Variants in UBE2H observed in about 807,000 individuals in gnomAD.
The protein encoded by UBE2H is ubiquitin conjugating enzyme E2 H.
UBE2H carries 3 observed loss-of-function variants against 29.0 expected under a neutral mutation model. The observed-to-expected ratio is 0.10, with a 90% CI of 0.05 to 0.27. UBE2H has a LOEUF of 0.27. Ranked by LOEUF, UBE2H falls within the 10% of genes least tolerant of loss-of-function variation. UBE2H has a pLI of 1.00. For synonymous variants in UBE2H, 69 were observed against 82.9 expected (o/e 0.83, Z 0.91); for missense variants, 68 against 228.2 (o/e 0.30, Z 4.52).
rs142815258 is a variant in UBE2H, at chr7:129,883,888, T to A, written c.54-2917A>T. ...AGAAAAAAGAATGAATTGATACACATAATGTATGGGTTTTACAGATTTCAT... is the reference window on the plus strand; with the variant it reads ...AGAAAAAAGAATGAATTGATACACAAAATGTATGGGTTTTACAGATTTCAT... On this transcript the variant is annotated intron_variant, in intron 1 of 6. Coordinates refer to ENST00000355621, the MANE Select transcript of UBE2H (RefSeq NM_003344.4). Among the ~76,000 whole-genome samples, 376 of 151,982 alleles carry A rather than the reference T, an allele frequency of 2.5e-3. 3 individuals are homozygous for A. Among genetic ancestry groups the A allele is most frequent in the African/African-American group, 8.5e-3 (353 of 41,444 alleles).
intron 5 of UBE2H, 143 bp from the exon 6 acceptor site, chr7:129,839,478 T>C: frequency 9.5e-6 from 10 of 1,049,398 alleles, no homozygotes; most frequent in Non-Finnish European, 1.2e-5. Context: ...TACATGTGAC[T>C]TGTATTACAC....
chr7:129,920,296 G>T (rs1250455865), intron 1 of UBE2H, among the ~76,000 whole-genome samples: 1 of 151,976 alleles, frequency 6.6e-6, no homozygotes, highest in Admixed American at 6.6e-5. Flanking sequence ...TTCTTACTGT[G>T]TCTAGTGAAC....
At chr7:129,944,187 G>T (rs77768351) in intron 1 of UBE2H, among the ~76,000 whole-genome samples, 3 of 151,122 alleles carry the variant, frequency 2.0e-5, no homozygotes, top group East Asian at 2.0e-4. Context: ...AAACCCTGTC[G>T]CTACTAAAAA....
intron 1 of UBE2H, among the ~76,000 whole-genome samples, chr7:129,922,716 T>C (rs1428975579): frequency 6.6e-6 from 1 of 152,186 alleles, no homozygotes; most frequent in African/African-American, 2.4e-5. Flanking sequence ...TAGGGTGGTA[T>C]ACAGATATTT....
intron 3 of UBE2H, among the ~76,000 whole-genome samples, chr7:129,870,111 C>T (rs1229858148): frequency 6.6e-6 from 1 of 152,106 alleles, no homozygotes; most frequent in Non-Finnish European, 1.5e-5. Context: ...CCTCCCTGCA[C>T]ACATACTCTT....
At chr7:129,846,452 G>T (rs117506293) in intron 5 of UBE2H, among the ~76,000 whole-genome samples, 10 of 152,046 alleles carry the variant, frequency 6.6e-5, no homozygotes, top group East Asian at 3.9e-4. Flanking sequence ...AGTAGTTGCC[G>T]AGGTGAGAGG....
chr7:129,834,766 C>T lies in UBE2H; in HGVS notation c.*171G>A, dbSNP rs1033627332. On this transcript the variant is annotated 3_prime_UTR_variant, in exon 7 of 7. Coordinates refer to ENST00000355621, the MANE Select transcript of UBE2H (RefSeq NM_003344.4). ...CTATGCACCTCAGGTTGAGAAATGA[C>T]CAAGAAATCAAGATCTAAAGGGTGA... 2 of 787,980 alleles carry T rather than the reference C, an allele frequency of 2.5e-6. No homozygotes were observed. The highest frequency in any genetic ancestry group is 1.8e-5 in the African/African-American group (1 of 57,038). The allele number at this position is 787,980 out of a possible 1,614,324, so 48.8% of individuals were successfully genotyped here. A position where few individuals can be genotyped will look rare whatever the true frequency, so the allele number is the denominator to read the frequency against.
At chr7:129,946,914 G>A (rs186034487) in intron 1 of UBE2H, among the ~76,000 whole-genome samples, 99 of 152,260 alleles carry the variant, frequency 6.5e-4, no homozygotes, top group Middle Eastern at 6.8e-3. Context: ...CGTAATGTAA[G>A]GTCTGGATTA....
At chr7:129,851,911 G>A (rs552797372) in intron 5 of UBE2H, among the ~76,000 whole-genome samples, 5 of 152,294 alleles carry the variant, frequency 3.3e-5, no homozygotes, top group Non-Finnish European at 5.9e-5. Flanking sequence ...CTGTTGAAGC[G>A]CAAATCCACA....
In UBE2H at chr7:129,847,954, T is replaced by C. The variant is rs143535957; in HGVS notation, c.299-8619A>G. Among the ~76,000 whole-genome samples, 674 of 152,342 alleles carry C rather than the reference T, an allele frequency of 4.4e-3. 5 individuals carry two copies. Among genetic ancestry groups the C allele is most frequent in the African/African-American group, 0.015 (605 of 41,580 alleles). The stretch of plus-strand genomic sequence containing the variant: ...TCTTTTATTTCCCCTGGCATGTAAC[T>C]ATGTCAAAACCAATATATCATTCCA... On this transcript the variant is annotated intron_variant, in intron 5 of 6. Transcript: ENST00000355621.
intron 1 of UBE2H, among the ~76,000 whole-genome samples, chr7:129,890,317 G>A (rs1427456814): frequency 1.3e-5 from 2 of 150,264 alleles, no homozygotes; most frequent in East Asian, 1.9e-4. Flanking sequence ...GTGTATATAT[G>A]TATGTATATA....
chr7:129,843,962 T>G (rs12533033), intron 5 of UBE2H, among the ~76,000 whole-genome samples: 9,516 of 152,322 alleles, frequency 0.062, 369 homozygotes, highest in Non-Finnish European at 0.091. Flanking sequence ...GTTATAAAAC[T>G]AGGAGTTTAG....
At chr7:129,883,772 G>A (rs1806302044) in intron 1 of UBE2H, among the ~76,000 whole-genome samples, 1 of 152,198 alleles carries the variant, frequency 6.6e-6, no homozygotes. Context: ...AATCCGGAAG[G>A]CAGAAGTTGC....
chr7:129,857,936 C>T lies in UBE2H; in HGVS notation c.246-373G>A, dbSNP rs73469788. On this transcript the variant is annotated intron_variant, in intron 4 of 6. Transcript: ENST00000355621. ...CCTGAATCTAATGATCAGGAAACAT[C>T]AGACAAACACAAATTGAGGAACAAT... Among the ~76,000 whole-genome samples the T allele has an allele frequency of 7.0e-3, 1,061 of 152,222 alleles. 12 individuals are homozygous for T. Among genetic ancestry groups the T allele is most frequent in the African/African-American group, 0.024 (1,004 of 41,532 alleles).
At chr7:129,948,936 A>G (rs1207378736) in intron 1 of UBE2H, 1 of 451,334 alleles carries the variant, frequency 2.2e-6, no homozygotes, top group East Asian at 7.0e-5. Context: ...TTTTGTATAT[A>G]AACACACTCT....
At chr7:129,852,755 T>C (rs1272043944) in intron 5 of UBE2H, among the ~76,000 whole-genome samples, 1 of 152,158 alleles carries the variant, frequency 6.6e-6, no homozygotes, top group Non-Finnish European at 1.5e-5. Flanking sequence ...GATGGAGTTT[T>C]GCTCTTATTG....
Position 129,891,699 on chromosome 7 carries a change from G to C in UBE2H, c.54-10728C>G, listed in dbSNP as rs976375770. 5.3e-5 allele frequency among the ~76,000 whole-genome samples: 8 copies of C among 151,824 alleles called. No individual in the cohort carries two copies. In the East Asian group the frequency reaches 1.6e-3, roughly 30 times the overall value. ...TGCCTGTAATCCCAGCTACTTGGGA[G>C]GCTAACACAGTAGAACTGCTTGAAC... On this transcript the variant is annotated intron_variant, in intron 1 of 6. Coordinates refer to ENST00000355621, the MANE Select transcript of UBE2H (RefSeq NM_003344.4).
intron 1 of UBE2H, among the ~76,000 whole-genome samples, chr7:129,920,642 G>A (rs1461284316): frequency 6.6e-6 from 1 of 151,968 alleles, no homozygotes; most frequent in East Asian, 1.9e-4. Context: ...AGAAGACAGG[G>A]AGGGAAGCGG....
In UBE2H at chr7:129,879,703, G is replaced by A. The variant is rs1806216802; in HGVS notation, c.131-61C>T. 2.0e-6 allele frequency: 3 copies of A among 1,471,520 alleles called. No homozygotes were observed. In the East Asian group the frequency reaches 6.8e-5, roughly 34 times the overall value. 91.2% of individuals were successfully genotyped at this position (1,471,520 alleles called of 1,614,324 possible). On this transcript the variant is annotated intron_variant, in intron 2 of 6. Coordinates refer to ENST00000355621, the MANE Select transcript of UBE2H (RefSeq NM_003344.4). The stretch of plus-strand genomic sequence containing the variant: ...TCTCCAAATTAGAAAATAAATCTGA[G>A]TGTAAATTAAACATTATCCCCTAAT...
Sources: allele counts gnomAD v4.1 joint callset (sites outside exome capture counted in the v4.1 genomes callset), GRCh38; gene constraint gnomAD v4.1.1; transcripts MANE v1.5; gene names NCBI Gene and HGNC (gene_info 2026-07-23, HGNC 2026-07-21).